The following TRAM2 variants were observed in gnomAD, a reference collection of about 807,000 sequenced individuals.
TRAM2 encodes the protein translocating chain-associated membrane protein 2.
A neutral mutation model predicts 51.0 loss-of-function variants in TRAM2; 12 were observed. The observed-to-expected ratio is 0.24, with a 90% confidence interval of 0.15 to 0.38. The LOEUF (loss-of-function observed/expected upper bound fraction) is 0.38, where lower values mean the gene tolerates loss of function less well. Among genes scored for constraint, TRAM2 ranks in the 10% least tolerant of loss-of-function variants. The pLI, the probability that TRAM2 is intolerant of heterozygous loss-of-function variation, is 1.00. For synonymous variants in TRAM2, 175 were observed against 179.4 expected (o/e 0.98, Z 0.20); for missense variants, 361 against 462.0 (o/e 0.78, Z 2.00).
chr6:52,533,955 G>T (rs1223022609), intron 2 of TRAM2, among the ~76,000 whole-genome samples: 1 of 152,092 alleles, frequency 6.6e-6, no homozygotes, highest in Non-Finnish European at 1.5e-5. Context: ...GCCGGGCGTG[G>T]TGGTGCACAT....
chr6:52,508,894 C>T (rs914646141), intron 5 of TRAM2, among the ~76,000 whole-genome samples: 37 of 152,240 alleles, frequency 2.4e-4, no homozygotes, highest in African/African-American at 7.9e-4. Context: ...ATTAGCTGGG[C>T]GTGGTGGCAC....
chr6:52,542,259 TGG>T lies in TRAM2; in HGVS notation c.121-6415_121-6414del, dbSNP rs71982631. Among the ~76,000 whole-genome samples, 117 of 116,718 alleles carry T rather than the reference TGG, an allele frequency of 1.0e-3. No homozygotes were observed. The East Asian group carries it at 0.023, about 23-fold the overall frequency. 76.6% of individuals were successfully genotyped at this position (116,718 alleles called of 152,430 possible). On this transcript the variant is annotated intron_variant, in intron 1 of 10. Coordinates refer to ENST00000182527, the MANE Select transcript of TRAM2 (RefSeq NM_012288.4). Reference sequence around the variant, plus strand: ...GCCCAATTGGTGGGGAAGAGATTTTTGGGTTTTTTTTTTTTTTAAAAAAAATA... The same window carrying T: ...GCCCAATTGGTGGGGAAGAGATTTTTGTTTTTTTTTTTTTTAAAAAAAATA...
At chr6:52,574,268 G>A (rs887756949) in intron 1 of TRAM2, among the ~76,000 whole-genome samples, 5 of 152,094 alleles carry the variant, frequency 3.3e-5, no homozygotes, top group Non-Finnish European at 2.9e-5. Context: ...GCCCACATTT[G>A]TTTCTCTGTG....
chr6:52,500,068 C>G lies in TRAM2; in HGVS notation c.*3129G>C, dbSNP rs1056639796. On this transcript the variant is annotated 3_prime_UTR_variant, in exon 11 of 11. Transcript: ENST00000182527. ...CCAGCGCCACCTCCCTCTCCTCCTGCTGTGTCTGTTGGCTTCCCCACAAAT... is the reference window on the plus strand; with the variant it reads ...CCAGCGCCACCTCCCTCTCCTCCTGGTGTGTCTGTTGGCTTCCCCACAAAT... 6.6e-6 allele frequency: 1 copy of G among 152,426 alleles called. No homozygotes were observed. The highest frequency in any genetic ancestry group is 2.1e-4 in the South Asian group (1 of 4,830). 9.4% of individuals were successfully genotyped at this position (152,426 alleles called of 1,614,324 possible).
At chr6:52,515,937 G>A in intron 4 of TRAM2, 69 bp downstream of exon 4, 2 of 1,350,432 alleles carry the variant, frequency 1.5e-6, no homozygotes, top group East Asian at 2.3e-5. Flanking sequence ...CATTTGATTA[G>A]CAATCCCAGA....
intron 1 of TRAM2, among the ~76,000 whole-genome samples, chr6:52,569,692 TC>T (rs1264565411): frequency 2.0e-5 from 3 of 151,956 alleles, no homozygotes; most frequent in African/African-American, 7.3e-5. Flanking sequence ...AAGACCTGAC[TC>T]CTATCCACAA....
intron 1 of TRAM2, among the ~76,000 whole-genome samples, chr6:52,558,020 A>T (rs1045815443): frequency 2.6e-5 from 4 of 152,104 alleles, no homozygotes; most frequent in Non-Finnish European, 5.9e-5. Flanking sequence ...AAAGTCTAGG[A>T]TACTATATTT....
intron 1 of TRAM2, among the ~76,000 whole-genome samples, chr6:52,559,922 C>A (rs957896968): frequency 3.3e-5 from 5 of 152,016 alleles, no homozygotes; most frequent in Non-Finnish European, 7.4e-5. Context: ...AAGCAATACA[C>A]ACCTACTGTA....
intron 2 of TRAM2, chr6:52,524,322 A>G (rs1332113871): frequency 6.6e-6 from 1 of 150,980 alleles, no homozygotes; most frequent in East Asian, 1.9e-4. Flanking sequence ...ATAGTATTCC[A>G]TCTTTTATGT....
At chr6:52,559,506 C>T (rs1396900961) in intron 1 of TRAM2, among the ~76,000 whole-genome samples, 3 of 152,202 alleles carry the variant, frequency 2.0e-5, no homozygotes, top group Non-Finnish European at 4.4e-5. Context: ...AAAAGGGAGG[C>T]ACCACAGTAT....
chr6:52,559,507 A>G (rs1767463059), intron 1 of TRAM2, among the ~76,000 whole-genome samples: 1 of 152,224 alleles, frequency 6.6e-6, no homozygotes, highest in Non-Finnish European at 1.5e-5. Flanking sequence ...AAAGGGAGGC[A>G]CCACAGTATC....
At chr6:52,549,338 T>C (rs1034114703) in intron 1 of TRAM2, among the ~76,000 whole-genome samples, 4 of 148,448 alleles carry the variant, frequency 2.7e-5, no homozygotes, top group African/African-American at 9.9e-5. Context: ...TCAGTGGGGA[T>C]ACCATCTATT....
intron 1 of TRAM2, among the ~76,000 whole-genome samples, chr6:52,556,878 A>G (rs1205942311): frequency 6.6e-6 from 1 of 150,494 alleles, no homozygotes; most frequent in African/African-American, 2.5e-5. Context: ...CAGTGAGCCA[A>G]TATCGTGCCA....
At chr6:52,509,452 T>A in intron 5 of TRAM2, 76 bp downstream of exon 5, 1 of 1,466,138 alleles carries the variant, frequency 6.8e-7, no homozygotes, top group Admixed American at 1.7e-5. Context: ...TGTGGTGTTC[T>A]GGCCACACTC....
At chr6:52,559,217 G>A (rs61471370) in intron 1 of TRAM2, among the ~76,000 whole-genome samples, 3,431 of 152,294 alleles carry the variant, frequency 0.023, 116 homozygotes, top group African/African-American at 0.076. Flanking sequence ...GTCATCCCCA[G>A]GGGTTTCAAC....
intron 2 of TRAM2, among the ~76,000 whole-genome samples, chr6:52,528,610 C>T (rs1210794861): frequency 1.3e-5 from 2 of 152,134 alleles, no homozygotes; most frequent in South Asian, 2.1e-4. Context: ...GAAGAGGCTG[C>T]GAGAACAATG....
At chr6:52,516,256 T>C (rs1581872520) in intron 3 of TRAM2, 134 bp from the exon 4 acceptor site, 2 of 818,416 alleles carry the variant, frequency 2.4e-6, no homozygotes, top group Non-Finnish European at 2.0e-6. Flanking sequence ...TCCAAGTCAT[T>C]TGGTGTAAGC....
At chr6:52,512,573 C>T (rs1383596399) in intron 4 of TRAM2, among the ~76,000 whole-genome samples, 7 of 152,150 alleles carry the variant, frequency 4.6e-5, no homozygotes. Flanking sequence ...GCACCTGAAA[C>T]CCACCCCAAA....
chr6:52,555,489 A>C (rs901457714), intron 1 of TRAM2, among the ~76,000 whole-genome samples: 1 of 152,240 alleles, frequency 6.6e-6, no homozygotes, highest in African/African-American at 2.4e-5. Context: ...TACGACAGAG[A>C]AAAACACTGG....
Sources: allele counts gnomAD v4.1 joint callset (sites outside exome capture counted in the v4.1 genomes callset), GRCh38; gene constraint gnomAD v4.1.1; transcripts MANE v1.5; gene names NCBI Gene and HGNC (gene_info 2026-07-23, HGNC 2026-07-21).